The following PAX6 variants were observed in gnomAD, a reference collection of about 807,000 sequenced individuals.
The protein encoded by PAX6 is paired box protein Pax-6.
Under a neutral mutation model 60.7 loss-of-function variants are expected in PAX6, and 7 were observed. The ratio of observed to expected loss-of-function variants is 0.12; its 90% CI spans 0.07 to 0.22. PAX6 has a LOEUF of 0.22. Among genes scored for constraint, PAX6 ranks in the 10% least tolerant of loss-of-function variants. The pLI is 1.00. For missense variants in PAX6, 355 were observed against 555.2 expected, an observed-to-expected ratio of 0.64 and a Z score of 3.62; for synonymous variants, 208 against 201.2, an observed-to-expected ratio of 1.03 and a Z score of -0.29.
rs1425248345 is a variant in PAX6, at chr11:31,801,917, A to G, written c.142-5T>C. The G allele has an allele frequency of 6.2e-7, 1 of 1,612,654 alleles. No individual in the cohort carries two copies. The highest frequency in any genetic ancestry group is 8.5e-7 in the Non-Finnish European group (1 of 1,178,794). Reference sequence around the variant, plus strand: ...GACTTTTGCATCTGCATGGGTCTATAACACAAAAATATACCTTCAATGGTA... The same window carrying G: ...GACTTTTGCATCTGCATGGGTCTATGACACAAAAATATACCTTCAATGGTA... On this transcript the variant is annotated splice_region_variant and splice_polypyrimidine_tract_variant and intron_variant, in intron 5 of 13. Coordinates refer to ENST00000640368, the MANE Select transcript of PAX6 (RefSeq NM_001368894.2).
intron 8 of PAX6, among the ~76,000 whole-genome samples, chr11:31,800,058 G>T (rs1953114187): frequency 6.7e-6 from 1 of 149,722 alleles, no homozygotes; most frequent in Admixed American, 6.8e-5. Context: ...CCGGCATCCC[G>T]CCGTCCTGCT....
At chr11:31,814,365 C>A (rs963859640), upstream of PAX6, 1 of 152,400 alleles carries the variant, frequency 6.6e-6, no homozygotes, top group Non-Finnish European at 1.5e-5. Flanking sequence ...CCCCTGTGCC[C>A]ACCCCATCAG....
At chr11:31,807,112 C>A (rs1956003541) in intron 2 of PAX6, among the ~76,000 whole-genome samples, 187 bp from the exon 3 acceptor site, 1 of 152,184 alleles carries the variant, frequency 6.6e-6, no homozygotes, top group Admixed American at 6.5e-5. Flanking sequence ...AGTCTCCATC[C>A]TTTAAAAGAG....
intron 8 of PAX6, 132 bp downstream of exon 8, chr11:31,800,559 G>T: frequency 9.2e-7 from 1 of 1,090,446 alleles, no homozygotes; most frequent in Non-Finnish European, 1.4e-6. Flanking sequence ...ATGTGTCCCA[G>T]GCCTTCAAAT....
At chr11:31,807,232 G>A (rs1317395073) in intron 2 of PAX6, 1 of 152,500 alleles carries the variant, frequency 6.6e-6, no homozygotes, top group Non-Finnish European at 1.5e-5. Flanking sequence ...GAGGAACAGT[G>A]GAGTAAGGAG....
At chr11:31,814,107 G>C (rs572679092), upstream of PAX6, 1 of 152,062 alleles carries the variant, frequency 6.6e-6, no homozygotes, top group African/African-American at 2.4e-5. Flanking sequence ...TCCTTTCCCC[G>C]CCTCCCCACA....
At position 31,794,041 on chromosome 11, in the gene PAX6, T is replaced by C. The variant is rs764490432; in HGVS notation, c.798A>G (p.Ala266=). The change falls in exon 10 of 14, where the codon GCA becomes GCG. Residue 266 remains alanine (A), a synonymous_variant. Transcript: ENST00000640368. The part of the protein sequence containing the change: ...RLAAKIDLPE[A]RIQVWFSNRR... ...CACAGTCTCTCGGTACCTGTATTCTTGCTTCAGGTAGATCTATTTTGGCTG... is the reference window on the plus strand; with the variant it reads ...CACAGTCTCTCGGTACCTGTATTCTCGCTTCAGGTAGATCTATTTTGGCTG... 1.9e-5 allele frequency: 30 copies of C among 1,600,166 alleles called. No individual in the cohort carries two copies. The highest frequency in any genetic ancestry group is 2.6e-5 in the Non-Finnish European group (30 of 1,167,362).
rs1169500981 is a variant in PAX6 at position 31,802,837 on chromosome 11, G to A, written c.11-3C>T. The A allele has an allele frequency of 1.2e-6, 2 of 1,613,774 alleles. No individual in the cohort carries two copies. Among genetic ancestry groups the A allele is most frequent in the East Asian group, 2.2e-5 (1 of 44,884 alleles). On this transcript the variant is annotated splice_region_variant and splice_polypyrimidine_tract_variant and intron_variant, in intron 4 of 13. Coordinates refer to ENST00000640368, the MANE Select transcript of PAX6 (RefSeq NM_001368894.2). ...GAGCTGATTCACTCCGCTGTGACCT[G>A]AGGAAAGGGAGAGGAGAGGAAAGGG...
chr11:31,811,305 A>G lies in PAX6; in HGVS notation c.-507T>C, dbSNP rs886048209. ...CCACGGTTCCCTTTTCAAACCCACT[A>G]ATCACTCCGCAACATGCAAATGCAC... On this transcript the variant is annotated 5_prime_UTR_variant, in exon 1 of 14. The change abolishes the stop of an existing upstream ORF in the 5' untranslated region. Coordinates refer to ENST00000640368, the MANE Select transcript of PAX6 (RefSeq NM_001368894.2). The G allele has an allele frequency of 1.0e-5, 4 of 398,554 alleles. No homozygotes were observed. The highest frequency in any genetic ancestry group is 1.8e-5 in the Non-Finnish European group (4 of 226,078). 24.7% of individuals were successfully genotyped at this position (398,554 alleles called of 1,614,324 possible).
intron 2 of PAX6, chr11:31,807,836 T>A (rs1430709635): frequency 6.6e-6 from 1 of 152,164 alleles, no homozygotes; most frequent in African/African-American, 2.4e-5. Context: ...CGCTTCTAGC[T>A]TCATAAGCCC....
intron 5 of PAX6, 184 bp downstream of exon 5, chr11:31,802,520 G>A (rs1954337597): frequency 1.6e-6 from 1 of 613,794 alleles, no homozygotes; most frequent in Non-Finnish European, 2.8e-6. Flanking sequence ...GAAAGAGATA[G>A]GGAAGGATGG....
At chr11:31,802,939 C>T in intron 4 of PAX6, 105 bp from the exon 5 acceptor site, 1 of 1,130,884 alleles carries the variant, frequency 8.8e-7, no homozygotes, top group Non-Finnish European at 1.3e-6. Context: ...AGAACAAGAA[C>T]AGAAAGGAGA....
chr11:31,801,070 A>AG, intron 7 of PAX6: 1 of 738,450 alleles, frequency 1.4e-6, no homozygotes, highest in Non-Finnish European at 2.2e-6. Flanking sequence ...AATTGGGCGG[A>AG]GGGGGTCCTT....
chr11:31,790,943 C>G, intron 12 of PAX6, 83 bp from the exon 13 acceptor site: 12 of 1,439,116 alleles, frequency 8.3e-6, no homozygotes, highest in Non-Finnish European at 1.1e-5. Context: ...CCGAGGAACT[C>G]TGCCAACAAG....
At chr11:31,816,414 G>A in intron 1 of PAX6, 1 of 626,292 alleles carries the variant, frequency 1.6e-6, no homozygotes, top group Non-Finnish European at 2.9e-6. Flanking sequence ...CCTGGGCGCG[G>A]AGCGAGGACT....
At chr11:31,806,501 G>GC in intron 3 of PAX6, 39 bp from the exon 4 acceptor site, 1 of 1,513,008 alleles carries the variant, frequency 6.6e-7, no homozygotes, top group Non-Finnish European at 9.0e-7. Flanking sequence ...TCGGGCAGCT[G>GC]CATCAGGTAG....
intron 13 of PAX6, chr11:31,790,259 A>AG (rs1949450647): frequency 1.9e-6 from 1 of 529,876 alleles, no homozygotes; most frequent in Admixed American, 4.2e-5. Flanking sequence ...CCAAAGGAAA[A>AG]GAAAAAAAAA....
intron 6 of PAX6, 30 bp from the exon 7 acceptor site, chr11:31,801,806 A>C (rs1447099964): frequency 6.2e-7 from 1 of 1,614,014 alleles, no homozygotes; most frequent in African/African-American, 1.3e-5. Context: ...AGAAAACCAC[A>C]TTATTAATAA....
In PAX6 at chr11:31,794,072, C is replaced by A; in HGVS notation, c.767G>T (p.Arg256Ile). 1 of 1,612,512 alleles carries A rather than the reference C, an allele frequency of 6.2e-7. No homozygotes were observed. The highest frequency in any genetic ancestry group is 8.5e-7 in the Non-Finnish European group (1 of 1,178,518). The change falls in exon 10 of 14, where the codon AGA (arginine) becomes ATA (isoleucine). Residue 256 changes from arginine (R) to isoleucine (I), a missense_variant. By Grantham distance (97) the Arg-to-Ile change is moderately conservative (BLOSUM62 -3). Coordinates refer to ENST00000640368, the MANE Select transcript of PAX6 (RefSeq NM_001368894.2). Reference sequence around the variant, plus strand: ...AGGTAGATCTATTTTGGCTGCTAGTCTTTCTCGGGCAAACACATCTGGATA... The same window carrying A: ...AGGTAGATCTATTTTGGCTGCTAGTATTTCTCGGGCAAACACATCTGGATA... ...THYPDVFARERLAAKIDLPEA... is the reference protein window; with the variant it reads ...THYPDVFAREILAAKIDLPEA...
Sources: gnomAD v4.1 joint callset for allele counts (sites outside exome capture counted in the v4.1 genomes callset) on GRCh38, gnomAD v4.1.1 for gene constraint, MANE v1.5 for transcripts, NCBI Gene and HGNC (gene_info 2026-07-23, HGNC 2026-07-21) for gene names.